Variants in FGGY observed in about 807,000 individuals in gnomAD.
FGGY encodes FGGY carbohydrate kinase domain-containing protein.
Under a neutral mutation model 71.3 loss-of-function variants are expected in FGGY, and 72 were observed. The observed-to-expected ratio is 1.01, with a 90% CI of 0.84 to 1.23. The LOEUF (loss-of-function observed/expected upper bound fraction) is 1.23. Ranked by LOEUF, FGGY falls within the 50% of genes most tolerant of loss-of-function variation. The probability of loss-of-function intolerance (pLI) is 0.00; values close to 1 mark genes in which losing one functional copy is unlikely to be tolerated. For synonymous variants in FGGY, 251 were observed against 250.3 expected (o/e 1.00, Z -0.02); for missense variants, 668 against 682.3 (o/e 0.98, Z 0.23).
intron 9 of FGGY, among the ~76,000 whole-genome samples, chr1:59,616,345 G>A (rs1260348879): frequency 6.6e-6 from 1 of 152,102 alleles, no homozygotes; most frequent in Non-Finnish European, 1.5e-5. Flanking sequence ...CATGGATGAA[G>A]CTGGAAACCA....
At chr1:59,645,018 G>T (rs991259175) in intron 11 of FGGY, among the ~76,000 whole-genome samples, 1 of 152,048 alleles carries the variant, frequency 6.6e-6, no homozygotes, top group Non-Finnish European at 1.5e-5. Flanking sequence ...TCACCATCAG[G>T]AATAGTTGCA....
At chr1:59,710,341 A>T (rs955503199) in intron 14 of FGGY, among the ~76,000 whole-genome samples, 1 of 152,182 alleles carries the variant, frequency 6.6e-6, no homozygotes, top group Non-Finnish European at 1.5e-5. Flanking sequence ...AACCAGAAAA[A>T]CCCTAGAAGA....
intron 5 of FGGY, among the ~76,000 whole-genome samples, chr1:59,428,297 C>A (rs1006721739): frequency 2.0e-5 from 3 of 152,216 alleles, no homozygotes; most frequent in African/African-American, 7.2e-5. Context: ...TAACCCTCAT[C>A]CTTACGGATA....
chr1:59,618,203 C>A (rs978152331), intron 9 of FGGY, among the ~76,000 whole-genome samples: 1 of 152,178 alleles, frequency 6.6e-6, no homozygotes, highest in East Asian at 1.9e-4. Context: ...ATAGATAGTA[C>A]AATCACTATA....
At chr1:59,600,979 A>G (rs1384934302) in intron 8 of FGGY, among the ~76,000 whole-genome samples, 1 of 139,210 alleles carries the variant, frequency 7.2e-6, no homozygotes, top group Non-Finnish European at 1.5e-5. Context: ...AAAATTCTCT[A>G]TGCTTTTTTT....
chr1:59,748,639 T>A (rs1235694931), intron 14 of FGGY, among the ~76,000 whole-genome samples: 3 of 152,158 alleles, frequency 2.0e-5, no homozygotes, highest in Non-Finnish European at 4.4e-5. Context: ...CATTTGAGTT[T>A]TATTCAAAAA....
In FGGY at chr1:59,638,402, G is replaced by A. The variant is rs767170336; in HGVS notation, c.1221+27G>A. 4.3e-6 allele frequency: 7 copies of A among 1,612,118 alleles called. No individual in the cohort carries two copies. In the African/African-American group the frequency reaches 9.4e-5, roughly 22 times the overall value. ...TAAGTAACAGCTAGTCCTTGCACAT[G>A]GGTGAAGGCAGGCCAAAGGGCTACA... On this transcript the variant is annotated intron_variant, in intron 11 of 15. Coordinates refer to ENST00000303721, the MANE Select transcript of FGGY (RefSeq NM_018291.5).
chr1:59,745,304 T>C (rs1199910950), intron 14 of FGGY, among the ~76,000 whole-genome samples: 3 of 152,158 alleles, frequency 2.0e-5, no homozygotes, highest in African/African-American at 4.8e-5. Context: ...TGAAAGAGCA[T>C]GGAGGGATAG....
At chr1:59,450,185 A>G (rs2072370077) in intron 5 of FGGY, among the ~76,000 whole-genome samples, 1 of 151,964 alleles carries the variant, frequency 6.6e-6, no homozygotes, top group Non-Finnish European at 1.5e-5. Flanking sequence ...ATTCCATTTT[A>G]TCTCTAAAAA....
chr1:59,669,684 C>T (rs1215868619), intron 13 of FGGY, among the ~76,000 whole-genome samples: 6 of 151,848 alleles, frequency 4.0e-5, no homozygotes, highest in Admixed American at 3.3e-4. Context: ...CATGAGCCAC[C>T]GCACCCGGCC....
chr1:59,586,695 GGGCAATTCAAAGCCT>G (rs1324336034), intron 8 of FGGY, among the ~76,000 whole-genome samples: 1 of 152,096 alleles, frequency 6.6e-6, no homozygotes, highest in East Asian at 1.9e-4. Context: ...GAGCAGGCTT[GGGCAATTCAAAGCCT>G]GGAAAAAAAG....
At chr1:59,673,522 C>T (rs2097401908) in intron 13 of FGGY, 1 of 154,782 alleles carries the variant, frequency 6.5e-6, no homozygotes, top group Non-Finnish European at 1.4e-5. Context: ...GGCATGCACC[C>T]TGAGAGAGGG....
intron 4 of FGGY, among the ~76,000 whole-genome samples, chr1:59,357,502 T>C (rs985993265): frequency 1.3e-5 from 2 of 152,216 alleles, no homozygotes; most frequent in Non-Finnish European, 2.9e-5. Context: ...TCTACAGGTA[T>C]CAAATCTTGG....
chr1:59,756,819 G>A (rs1407810846), intron 14 of FGGY, among the ~76,000 whole-genome samples: 1 of 152,088 alleles, frequency 6.6e-6, no homozygotes, highest in Non-Finnish European at 1.5e-5. Flanking sequence ...TCACAGTAAG[G>A]TGGCAAAGAT....
chr1:59,395,518 C>T (rs75287205), intron 5 of FGGY, among the ~76,000 whole-genome samples: 1,801 of 152,246 alleles, frequency 0.012, 10 homozygotes, highest in African/African-American at 0.022. Context: ...TTCATGAGTA[C>T]AGGGACCATA....
intron 11 of FGGY, chr1:59,641,469 T>C: frequency 1.3e-6 from 1 of 768,498 alleles, no homozygotes; most frequent in Non-Finnish European, 2.1e-6. Flanking sequence ...AAAGTACCTA[T>C]CCTAAGTTCA....
chr1:59,463,971 A>C (rs536359083), intron 6 of FGGY, among the ~76,000 whole-genome samples: 1 of 152,328 alleles, frequency 6.6e-6, no homozygotes, highest in South Asian at 2.1e-4. Context: ...CAGAAGCTTA[A>C]CAAGGATACC....
At position 59,759,817 on chromosome 1, in the gene FGGY, G is replaced by A. The variant is rs148869743; in HGVS notation, c.1574+1825G>A. The stretch of plus-strand genomic sequence containing the variant: ...GCACATTTTGAAGAGAGGGGATTCA[G>A]CTGATTTTAAAATTCACAGTCACGG... On this transcript the variant is annotated intron_variant, in intron 15 of 15. Coordinates refer to ENST00000303721, the MANE Select transcript of FGGY (RefSeq NM_018291.5). Among the ~76,000 whole-genome samples, 4 of 152,352 alleles carry A rather than the reference G, an allele frequency of 2.6e-5. No homozygotes were observed. The East Asian group carries it at 5.8e-4, about 22-fold the overall frequency.
chr1:59,626,111 GTTGGGCAGTTGGGTGATT>G (rs2096854199), intron 10 of FGGY, 62 bp downstream of exon 10: 2 of 1,358,290 alleles, frequency 1.5e-6, no homozygotes, highest in African/African-American at 2.9e-5. Context: ...GAGAATTCAC[GTTGGGCAGTTGGGTGATT>G]TTCAGATCCT....
Sources: gnomAD v4.1 joint callset for allele counts (sites outside exome capture counted in the v4.1 genomes callset) on GRCh38, gnomAD v4.1.1 for gene constraint, MANE v1.5 for transcripts, NCBI Gene and HGNC (gene_info 2026-07-23, HGNC 2026-07-21) for gene names.